Variants in ZNF385D observed in about 807,000 individuals in gnomAD.
The protein encoded by ZNF385D is zinc finger protein 385D.
In ZNF385D, 15 loss-of-function variants were observed where a neutral mutation model predicts 35.8. The observed-to-expected ratio is 0.42, with a 90% CI of 0.28 to 0.64. ZNF385D has a LOEUF of 0.64. Ranked by LOEUF, ZNF385D falls within the 30% of genes least tolerant of loss-of-function variation. ZNF385D has a pLI of 0.23. For synonymous variants in ZNF385D, 212 were observed against 186.8 expected, an observed-to-expected ratio of 1.13 and a Z score of -1.10; for missense variants, 474 against 494.6, an observed-to-expected ratio of 0.96 and a Z score of 0.39.
intron 1 of ZNF385D, among the ~76,000 whole-genome samples, chr3:21,717,811 G>A (rs1161604707): frequency 6.6e-6 from 1 of 152,138 alleles, no homozygotes; most frequent in African/African-American, 2.4e-5. Flanking sequence ...GGCCTTTCTA[G>A]CCATGTGGAA....
chr3:21,826,277 A>G (rs937345591), intron 3 of ZNF385D, among the ~76,000 whole-genome samples: 14 of 152,284 alleles, frequency 9.2e-5, no homozygotes, highest in Admixed American at 5.9e-4. Flanking sequence ...TACGTAGGAG[A>G]GAACAACGTT....
At chr3:21,541,357 T>G (rs1322464076) in intron 3 of ZNF385D, among the ~76,000 whole-genome samples, 1 of 152,178 alleles carries the variant, frequency 6.6e-6, no homozygotes, top group African/African-American at 2.4e-5. Context: ...TTAATACTAC[T>G]GTGAGCCTCA....
At chr3:21,682,818 A>G (rs890898895) in intron 1 of ZNF385D, among the ~76,000 whole-genome samples, 1 of 149,600 alleles carries the variant, frequency 6.7e-6, no homozygotes, top group African/African-American at 2.5e-5. Flanking sequence ...TAAGTCTGCC[A>G]TTGTAGTGTG....
At chr3:21,528,101 A>G (rs1217094017) in intron 3 of ZNF385D, among the ~76,000 whole-genome samples, 1 of 152,188 alleles carries the variant, frequency 6.6e-6, no homozygotes, top group Non-Finnish European at 1.5e-5. Flanking sequence ...CCTGTCTCCA[A>G]AGTTCATTGC....
At chr3:22,262,485 A>G (rs1296514758) in intron 2 of ZNF385D, among the ~76,000 whole-genome samples, 1 of 152,024 alleles carries the variant, frequency 6.6e-6, no homozygotes, top group Non-Finnish European at 1.5e-5. Context: ...GAGAAAAAAT[A>G]GACACAAGTG....
At chr3:21,666,197 G>A (rs1256416986) in intron 1 of ZNF385D, among the ~76,000 whole-genome samples, 2 of 152,166 alleles carry the variant, frequency 1.3e-5, no homozygotes, top group Non-Finnish European at 2.9e-5. Flanking sequence ...CCCTCAATCA[G>A]TTACCAGAGC....
intron 3 of ZNF385D, among the ~76,000 whole-genome samples, chr3:22,142,328 A>G (rs1704558676): frequency 6.6e-6 from 1 of 152,084 alleles, no homozygotes; most frequent in Non-Finnish European, 1.5e-5. Context: ...AAATTCAACA[A>G]TTGTTATTTC....
At chr3:21,963,045 A>T (rs916215224) in intron 3 of ZNF385D, among the ~76,000 whole-genome samples, 6 of 152,230 alleles carry the variant, frequency 3.9e-5, no homozygotes, top group African/African-American at 1.4e-4. Context: ...TTGGAGCAGT[A>T]TCTTTTATTC....
intron 3 of ZNF385D, among the ~76,000 whole-genome samples, chr3:21,820,136 C>T (rs1216399985): frequency 1.3e-5 from 2 of 151,532 alleles, no homozygotes; most frequent in South Asian, 4.1e-4. Flanking sequence ...ATTTTCATTA[C>T]ACTTTATTTT....
At chr3:22,148,946 A>G (rs954266524) in intron 3 of ZNF385D, among the ~76,000 whole-genome samples, 1 of 152,104 alleles carries the variant, frequency 6.6e-6, no homozygotes, top group African/African-American at 2.4e-5. Context: ...CTATCCTATG[A>G]TTTTGCTATG....
At chr3:22,094,385 G>GAGATACATATATATATAT (rs1491256865) in intron 3 of ZNF385D, among the ~76,000 whole-genome samples, 2 of 70,828 alleles carry the variant, frequency 2.8e-5, no homozygotes, top group African/African-American at 8.6e-5. Flanking sequence ...ATTTATTGTT[G>GAGATACATATATATATAT]ATATATATAT....
At chr3:21,641,242 T>G (rs1028809800) in intron 2 of ZNF385D, among the ~76,000 whole-genome samples, 1 of 152,040 alleles carries the variant, frequency 6.6e-6, no homozygotes, top group Non-Finnish European at 1.5e-5. Context: ...ATTTTCCTAG[T>G]GCTCTTGGGT....
At chr3:22,136,284 A>C (rs752416052) in intron 3 of ZNF385D, among the ~76,000 whole-genome samples, 1 of 152,152 alleles carries the variant, frequency 6.6e-6, no homozygotes, top group Non-Finnish European at 1.5e-5. Flanking sequence ...GCTACTCGGG[A>C]GGCTGAGGTA....
At chr3:22,033,541 G>T (rs548490687) in intron 3 of ZNF385D, among the ~76,000 whole-genome samples, 3 of 151,960 alleles carry the variant, frequency 2.0e-5, no homozygotes, top group African/African-American at 7.2e-5. Context: ...AAATTTCACC[G>T]AAATTATGAG....
intron 3 of ZNF385D, among the ~76,000 whole-genome samples, chr3:21,963,305 G>A (rs1702701466): frequency 6.6e-6 from 1 of 152,126 alleles, no homozygotes; most frequent in African/African-American, 2.4e-5. Context: ...TCGGAGGTAG[G>A]ATTAAAGCAG....
intron 3 of ZNF385D, among the ~76,000 whole-genome samples, chr3:21,926,293 T>C (rs1394402390): frequency 2.0e-5 from 3 of 152,034 alleles, no homozygotes; most frequent in Admixed American, 6.6e-5. Flanking sequence ...TAGTCCCTCA[T>C]CCCTGACAGG....
At chr3:22,290,198 G>GGGGAA (rs1702230159) in intron 2 of ZNF385D, among the ~76,000 whole-genome samples, 1 of 152,068 alleles carries the variant, frequency 6.6e-6, no homozygotes, top group Non-Finnish European at 1.5e-5. Context: ...GTCTCTTCAC[G>GGGGAA]GGGAAGCTGG....
chr3:22,284,593 A>G (rs985049835), intron 2 of ZNF385D, among the ~76,000 whole-genome samples: 1 of 152,026 alleles, frequency 6.6e-6, no homozygotes, highest in Non-Finnish European at 1.5e-5. Context: ...AAGAACCGCT[A>G]GACACTGTGG....
At chr3:22,135,805 G>C (rs545255795) in intron 3 of ZNF385D, among the ~76,000 whole-genome samples, 4 of 152,170 alleles carry the variant, frequency 2.6e-5, no homozygotes, top group Non-Finnish European at 4.4e-5. Context: ...TAACAGAAGA[G>C]AGAGTCCAGA....
Sources: allele counts gnomAD v4.1 joint callset (sites outside exome capture counted in the v4.1 genomes callset), GRCh38; gene constraint gnomAD v4.1.1; transcripts MANE v1.5; gene names NCBI Gene and HGNC (gene_info 2026-07-23, HGNC 2026-07-21).